TNIP3: variants seen among roughly 807,000 people sequenced by gnomAD.
The protein encoded by TNIP3 is TNFAIP3 interacting protein 3.
In TNIP3, 34 loss-of-function variants were observed where a neutral mutation model predicts 54.1. That is an observed-to-expected ratio of 0.63 (90% CI 0.48 to 0.84). The LOEUF is 0.84. Among genes scored for constraint, TNIP3 ranks in the 40% least tolerant of loss-of-function variants. TNIP3 has a pLI of 0.00. For missense variants in TNIP3, 366 were observed against 387.6 expected, an observed-to-expected ratio of 0.94 and a Z score of 0.47; for synonymous variants, 134 against 136.8, an observed-to-expected ratio of 0.98 and a Z score of 0.14.
upstream of TNIP3, among the ~76,000 whole-genome samples, chr4:121,168,526 T>TC (rs956961562): frequency 1.4e-5 from 2 of 143,794 alleles, no homozygotes; most frequent in African/African-American, 5.8e-5. Context: ...CTTTGCTTTT[T>TC]TTTTTTTTTT....
intron 5 of TNIP3, among the ~76,000 whole-genome samples, chr4:121,152,049 A>C (rs991850081): frequency 1.3e-5 from 2 of 152,202 alleles, no homozygotes; most frequent in African/African-American, 4.8e-5. Context: ...CATTTTCTTC[A>C]ATGCAAATAA....
intron 7 of TNIP3, among the ~76,000 whole-genome samples, chr4:121,143,026 A>T (rs867883547): frequency 8.5e-5 from 13 of 152,224 alleles, no homozygotes; most frequent in African/African-American, 2.9e-4. Context: ...ATCTATTTAG[A>T]TACAGATATA....
In TNIP3 at chr4:121,150,222, A is replaced by G. The variant is rs1729666240; in HGVS notation, c.493-3T>C. 4 of 1,573,128 alleles carry G rather than the reference A, an allele frequency of 2.5e-6. No homozygotes were observed. The highest frequency in any genetic ancestry group is 1.1e-5 in the South Asian group (1 of 89,732). On this transcript the variant is annotated splice_polypyrimidine_tract_variant and splice_region_variant and intron_variant, in intron 5 of 10. Transcript: ENST00000057513. ...ATATTCAAGGCATCCTGAAGAGCCT[A>G]CGTAATAAGATAAGTACACTGTTGA...
intron 4 of TNIP3, among the ~76,000 whole-genome samples, chr4:121,156,314 G>A (rs913640064): frequency 1.1e-4 from 16 of 152,138 alleles, no homozygotes; most frequent in Non-Finnish European, 1.8e-4. Flanking sequence ...GGGGCCATTA[G>A]AGTTTAAGGT....
chr4:121,189,434 G>C (rs551095407), intron 2 of TNIP3, among the ~76,000 whole-genome samples: 70 of 152,308 alleles, frequency 4.6e-4, no homozygotes, highest in Middle Eastern at 3.4e-3. Flanking sequence ...GAGAAGTGTT[G>C]TGTAAAAGAT....
rs1483228671 is a variant in TNIP3, at chr4:121,203,417, A to T, written c.68+12998T>A. Among the ~76,000 whole-genome samples the T allele has an allele frequency of 2.0e-5, 3 of 152,164 alleles. No individual in the cohort carries two copies. In the South Asian group the frequency reaches 6.2e-4, roughly 32 times the overall value. ...CTCACTCACAAGTGGGAGCTAAGCT[A>T]TGAGAACTCAAATGCATGAGAATGA... is the stretch of plus-strand genomic sequence containing the variant. On this transcript the variant is annotated intron_variant, in intron 2 of 12. Transcript: ENST00000507879.
upstream of TNIP3, among the ~76,000 whole-genome samples, chr4:121,167,210 T>G (rs928556323): frequency 1.3e-5 from 2 of 152,080 alleles, no homozygotes; most frequent in Admixed American, 6.5e-5. Context: ...AAAAATTCCC[T>G]GCTTATGATG....
At chr4:121,158,547 C>G (rs913309808) in intron 3 of TNIP3, 140 bp downstream of exon 3, 1 of 719,714 alleles carries the variant, frequency 1.4e-6, no homozygotes, top group Non-Finnish European at 2.4e-6. Context: ...CAATACTACA[C>G]TTAGCACCCT....
chr4:121,156,761 A>AG (rs1730112993), intron 4 of TNIP3, among the ~76,000 whole-genome samples: 1 of 152,184 alleles, frequency 6.6e-6, no homozygotes, highest in African/African-American at 2.4e-5. Context: ...TAAAAGCAAA[A>AG]GAAAAAAAAA....
intron 1 of TNIP3, chr4:121,227,261 T>C: frequency 1.3e-6 from 1 of 756,088 alleles, no homozygotes; most frequent in South Asian, 1.9e-5. Flanking sequence ...ACTGAGTTCC[T>C]GATCAGTTAT....
chr4:121,227,220 CA>C (rs1366030296), intron 1 of TNIP3, among the ~76,000 whole-genome samples: 1 of 152,158 alleles, frequency 6.6e-6, no homozygotes, highest in African/African-American at 2.4e-5. Context: ...TCACCGGGAA[CA>C]CATAAAACCT....
intron 5 of TNIP3, among the ~76,000 whole-genome samples, chr4:121,153,450 A>G (rs1441912354): frequency 2.6e-5 from 4 of 152,234 alleles, no homozygotes; most frequent in Non-Finnish European, 5.9e-5. Flanking sequence ...AATTATTTAT[A>G]GTTCCTTTAA....
rs138208955 is a variant in TNIP3, at chr4:121,186,292, G to A, written c.69-3496C>T. Among the ~76,000 whole-genome samples, 209 of 152,304 alleles carry A rather than the reference G, an allele frequency of 1.4e-3. 1 individual carries two copies. Among genetic ancestry groups the A allele is most frequent in the African/African-American group, 4.4e-3 (184 of 41,570 alleles). On this transcript the variant is annotated intron_variant, in intron 2 of 12. Coordinates refer to the TNIP3 transcript ENST00000507879. Reference sequence around the variant, plus strand: ...GTGTTGACCGCTGTGGGAGGGATACGTTTTGAGCACTCAGGAATCCAGCTG... The same window carrying A: ...GTGTTGACCGCTGTGGGAGGGATACATTTTGAGCACTCAGGAATCCAGCTG...
At chr4:121,219,722 T>G (rs1427306512), upstream of TNIP3, among the ~76,000 whole-genome samples, 1 of 152,202 alleles carries the variant, frequency 6.6e-6, no homozygotes, top group East Asian at 1.9e-4. Context: ...CGAATTCTTA[T>G]ACTATTGTTT....
At chr4:121,226,257 G>A (rs991138785) in intron 1 of TNIP3, among the ~76,000 whole-genome samples, 3 of 151,694 alleles carry the variant, frequency 2.0e-5, no homozygotes, top group Admixed American at 6.6e-5. Context: ...GAGAGAGAGC[G>A]ACAGAGGCAC....
At chr4:121,159,729 T>C (rs963669279) in intron 2 of TNIP3, among the ~76,000 whole-genome samples, 7 of 152,242 alleles carry the variant, frequency 4.6e-5, no homozygotes, top group African/African-American at 1.7e-4. Flanking sequence ...CTACAAATAA[T>C]TTAAAGATCT....
At chr4:121,181,893 A>G (rs1724735236) in intron 3 of TNIP3, among the ~76,000 whole-genome samples, 1 of 152,176 alleles carries the variant, frequency 6.6e-6, no homozygotes, top group Non-Finnish European at 1.5e-5. Flanking sequence ...CATGATTTTT[A>G]TAGTTTTCTG....
At chr4:121,215,880 TA>T (rs70948385) in intron 2 of TNIP3, among the ~76,000 whole-genome samples, 6,380 of 133,610 alleles carry the variant, frequency 0.048, 364 homozygotes, top group African/African-American at 0.15. Flanking sequence ...GGTGCCACAT[TA>T]AAAAAAAAAA....
chr4:121,136,371 T>G (rs1728786015), intron 10 of TNIP3, among the ~76,000 whole-genome samples: 1 of 152,216 alleles, frequency 6.6e-6, no homozygotes, highest in South Asian at 2.1e-4. Context: ...CACTGTACTA[T>G]ATAATTCAAA....
Sources: allele counts gnomAD v4.1 joint callset (sites outside exome capture counted in the v4.1 genomes callset), GRCh38; gene constraint gnomAD v4.1.1; transcripts MANE v1.5; gene names NCBI Gene and HGNC (gene_info 2026-07-23, HGNC 2026-07-21).